CACNA1D: variants seen among roughly 807,000 people sequenced by gnomAD.
CACNA1D encodes the protein calcium voltage-gated channel subunit alpha1 D, also known as voltage-dependent L-type calcium channel subunit alpha-1D.
A neutral mutation model predicts 257.1 loss-of-function variants in CACNA1D; 55 were observed. That is an observed-to-expected ratio of 0.21 (90% CI 0.17 to 0.27). The LOEUF (loss-of-function observed/expected upper bound fraction) is 0.27, where lower values mean the gene tolerates loss of function less well. CACNA1D is among the 10% of genes least tolerant of loss of function. The pLI, the probability that CACNA1D is intolerant of heterozygous loss-of-function variation, is 1.00. For missense variants in CACNA1D, 1,876 were observed against 2,784.0 expected (o/e 0.67, Z 7.34); for synonymous variants, 980 against 1,014.9 (o/e 0.97, Z 0.65).
chr3:53,577,007 T>C (rs1310027828), intron 3 of CACNA1D, among the ~76,000 whole-genome samples: 1 of 152,182 alleles, frequency 6.6e-6, no homozygotes, highest in African/African-American at 2.4e-5. Context: ...CAACTCACCA[T>C]ATTTTCTCTT....
chr3:53,716,528 T>C lies in CACNA1D; in HGVS notation c.1391-1773T>C, dbSNP rs2094819989. On this transcript the variant is annotated intron_variant, in intron 9 of 47. Transcript: ENST00000350061. ...GTGTCTGTGTGTGTTAATGGAGTTT[T>C]TTTTTTTAAGGTTTTTCCATGATTA... 3.3e-5 allele frequency among the ~76,000 whole-genome samples: 5 copies of C among 152,218 alleles called. No individual in the cohort carries two copies. In the South Asian group the frequency reaches 1.0e-3, roughly 31 times the overall value.
intron 3 of CACNA1D, among the ~76,000 whole-genome samples, chr3:53,529,852 G>A (rs2091888516): frequency 6.6e-6 from 1 of 152,160 alleles, no homozygotes; most frequent in African/African-American, 2.4e-5. Context: ...ATAATTTATG[G>A]AGTTATCAGT....
intron 3 of CACNA1D, among the ~76,000 whole-genome samples, chr3:53,552,718 C>T: frequency 6.6e-6 from 1 of 152,146 alleles, no homozygotes; most frequent in East Asian, 1.9e-4. Flanking sequence ...TTTGGACTTT[C>T]TTTCCTATCT....
chr3:53,673,934 C>T lies in CACNA1D; in HGVS notation c.1220+808C>T. 1 of 749,728 alleles carries T rather than the reference C, an allele frequency of 1.3e-6. No individual in the cohort carries two copies. The allele number at this position is 749,728 out of a possible 1,614,324, so 46.4% of individuals were successfully genotyped here. On this transcript the variant is annotated intron_variant, in intron 8 of 47. Transcript: ENST00000350061. This position sits in a 1 kb window ranked among gnomAD's most constrained non-coding sequence, Gnocchi z 4.1. Reference sequence around the variant, plus strand: ...ATGTGTTTGGACTCTGATGTCCTCTCAGTGTGTTGCTTTTGGATTGAACTG... The same window carrying T: ...ATGTGTTTGGACTCTGATGTCCTCTTAGTGTGTTGCTTTTGGATTGAACTG...
At chr3:53,644,472 C>A (rs989155638) in intron 3 of CACNA1D, among the ~76,000 whole-genome samples, 1 of 152,142 alleles carries the variant, frequency 6.6e-6, no homozygotes, top group African/African-American at 2.4e-5. Context: ...AACATCTCCC[C>A]AATCTTCCTG....
At chr3:53,498,692 T>C (rs1376306133) in intron 2 of CACNA1D, among the ~76,000 whole-genome samples, 1 of 152,222 alleles carries the variant, frequency 6.6e-6, no homozygotes, top group South Asian at 2.1e-4. Context: ...TTTGAGGATC[T>C]AGCTCGGCAG....
At chr3:53,531,524 G>C (rs1366994380) in intron 3 of CACNA1D, among the ~76,000 whole-genome samples, 3 of 152,150 alleles carry the variant, frequency 2.0e-5, no homozygotes, top group Non-Finnish European at 4.4e-5. Context: ...GATAATTTAG[G>C]CTAAAAGAAA....
At chr3:53,772,476 G>A (rs189510390) in intron 32 of CACNA1D, among the ~76,000 whole-genome samples, 6 of 152,226 alleles carry the variant, frequency 3.9e-5, no homozygotes, top group Admixed American at 2.0e-4. Context: ...CAGTGTTCTG[G>A]AATGGTTTGA....
rs35655186 is a variant in CACNA1D, at chr3:53,713,502, A to ATGTGTG, written c.1391-4762_1391-4757dup. Among the ~76,000 whole-genome samples, 236 of 129,448 alleles carry ATGTGTG rather than the reference A, an allele frequency of 1.8e-3. 1 individual carries two copies. Among genetic ancestry groups the ATGTGTG allele is most frequent in the Middle Eastern group, 0.011 (3 of 272 alleles). 84.9% of individuals were successfully genotyped at this position (129,448 alleles called of 152,430 possible). Reference sequence around the variant, plus strand: ...ACATAGACTCATTTGCTCTGTGTGTATGTGTGTGTGTGTGTGTGTGTGTGT... The same window carrying ATGTGTG: ...ACATAGACTCATTTGCTCTGTGTGTATGTGTGTGTGTGTGTGTGTGTGTGTGTGTGT... On this transcript the variant is annotated intron_variant, in intron 9 of 47. Transcript: ENST00000350061.
At chr3:53,735,020 T>G (rs574941179) in intron 19 of CACNA1D, among the ~76,000 whole-genome samples, 33 of 152,182 alleles carry the variant, frequency 2.2e-4, no homozygotes, top group Non-Finnish European at 4.3e-4. Flanking sequence ...GATGTAGACC[T>G]GGATCGATTC....
In CACNA1D at chr3:53,731,119, C is replaced by G; in HGVS notation, c.2379C>G (p.Val793=). The G allele has an allele frequency of 6.2e-7, 1 of 1,611,720 alleles. No homozygotes were observed. Among genetic ancestry groups the G allele is most frequent in the Non-Finnish European group, 8.5e-7 (1 of 1,177,842 alleles). ...ATAAAAAGAACAACAAACCAGAAGT[C>G]AACCAGATAGCCAACAGTGACAACA... ...LENKKNNKPE[V]NQIANSDNKV... is the part of the protein sequence containing the mutation. The change falls in exon 17 of 48, where the codon GTC becomes GTG. Residue 793 remains valine (V), a synonymous_variant. Transcript: ENST00000350061.
Position 53,598,515 on chromosome 3 carries a change from G to C in CACNA1D, c.484-52264G>C, listed in dbSNP as rs566191449. ...CAGGAGAATCGCTTGAACCCAGGAG[G>C]CAGAGGTCGTAGTGAACTGAGATTG... is the stretch of plus-strand genomic sequence containing the variant. On this transcript the variant is annotated intron_variant, in intron 3 of 47. Coordinates refer to ENST00000350061, the MANE Select transcript of CACNA1D (RefSeq NM_001128840.3). Among the ~76,000 whole-genome samples, 3 of 151,620 alleles carry C rather than the reference G, an allele frequency of 2.0e-5. No homozygotes were observed. In the South Asian group the frequency reaches 6.3e-4, roughly 32 times the overall value.
At chr3:53,700,541 T>G (rs2094613616) in intron 8 of CACNA1D, among the ~76,000 whole-genome samples, 1 of 152,226 alleles carries the variant, frequency 6.6e-6, no homozygotes, top group Non-Finnish European at 1.5e-5. Flanking sequence ...ATTTCCCATG[T>G]GTCAGGAAAC....
At chr3:53,745,593 G>GA in intron 23 of CACNA1D, 31 bp from the exon 24 acceptor site, 5 of 1,464,716 alleles carry the variant, frequency 3.4e-6, no homozygotes, top group Non-Finnish European at 4.8e-6. Context: ...AAATCACAAA[G>GA]AAGAGTCACG....
intron 14 of CACNA1D, among the ~76,000 whole-genome samples, chr3:53,725,224 T>C (rs542148046): frequency 6.6e-6 from 1 of 152,214 alleles, no homozygotes; most frequent in Non-Finnish European, 1.5e-5. Flanking sequence ...CGTGCTGTTT[T>C]GCATCTTGCT....
chr3:53,601,428 C>T (rs2093440717), intron 3 of CACNA1D, among the ~76,000 whole-genome samples: 1 of 152,202 alleles, frequency 6.6e-6, no homozygotes, highest in African/African-American at 2.4e-5. Context: ...GGTTTAGTAG[C>T]AAGGGAGAAG....
At chr3:53,762,876 G>T (rs1488660226) in intron 30 of CACNA1D, among the ~76,000 whole-genome samples, 1 of 152,214 alleles carries the variant, frequency 6.6e-6, no homozygotes, top group Non-Finnish European at 1.5e-5. Flanking sequence ...TATTTCAAAA[G>T]ATCTAATTAA....
intron 9 of CACNA1D, among the ~76,000 whole-genome samples, chr3:53,708,145 G>A (rs920353633): frequency 6.6e-6 from 1 of 152,194 alleles, no homozygotes; most frequent in African/African-American, 2.4e-5. Context: ...CTTTGGGGGT[G>A]GACAGAAAAC....
chr3:53,668,132 AAAC>A (rs1197618442), intron 7 of CACNA1D, among the ~76,000 whole-genome samples: 2 of 152,166 alleles, frequency 1.3e-5, no homozygotes, highest in Non-Finnish European at 2.9e-5. Flanking sequence ...ACAGTACATA[AAAC>A]AACATTTTGA....
Sources: gnomAD v4.1 joint callset for allele counts (sites outside exome capture counted in the v4.1 genomes callset) on GRCh38, gnomAD v4.1.1 for gene constraint, Gnocchi (gnomAD v3.1) non-coding constraint, MANE v1.5 for transcripts, NCBI Gene and HGNC (gene_info 2026-07-23, HGNC 2026-07-21) for gene names.